Variants in AP4S1 observed in about 807,000 individuals in gnomAD.
AP4S1 encodes the protein adaptor related protein complex 4 subunit sigma 1.
Under a neutral mutation model 19.8 loss-of-function variants are expected in AP4S1, and 23 were observed. The observed-to-expected ratio is 1.16, with a 90% CI of 0.84 to 1.65. The LOEUF (loss-of-function observed/expected upper bound fraction) is 1.65, where lower values mean the gene tolerates loss of function less well. Among genes scored for constraint, AP4S1 ranks in the 40% most tolerant of loss-of-function variants. AP4S1 has a pLI of 0.00. For synonymous variants in AP4S1, 46 were observed against 54.1 expected, an observed-to-expected ratio of 0.85 and a Z score of 0.66; for missense variants, 166 against 172.8, an observed-to-expected ratio of 0.96 and a Z score of 0.22.
intron 1 of AP4S1, among the ~76,000 whole-genome samples, chr14:31,041,083 A>G (rs1016976288): frequency 2.7e-4 from 41 of 151,706 alleles, no homozygotes; most frequent in Non-Finnish European, 5.9e-4. Context: ...CTCAAAAAAA[A>G]AAAAAAAGTA....
chr14:31,026,467 G>A (rs1276265258), intron 1 of AP4S1: 4 of 390,398 alleles, frequency 1.0e-5, no homozygotes, highest in Non-Finnish European at 1.8e-5. Context: ...GCGGAGGGCC[G>A]TCACTAGCGC....
At chr14:31,084,652 T>C (rs1887832164) in intron 5 of AP4S1, 1 of 1,529,454 alleles carries the variant, frequency 6.5e-7, no homozygotes, top group Non-Finnish European at 8.9e-7. Context: ...CCCGCCCGGC[T>C]GAAGTGAGGC....
At chr14:31,051,181 A>G (rs1462824063) in intron 1 of AP4S1, among the ~76,000 whole-genome samples, 2 of 151,738 alleles carry the variant, frequency 1.3e-5, no homozygotes, top group East Asian at 1.9e-4. Flanking sequence ...CCTTGAGCCC[A>G]GGGAGTCAAG....
At chr14:31,026,176 G>T in intron 1 of AP4S1, 1 of 1,478,292 alleles carries the variant, frequency 6.8e-7, no homozygotes, top group Non-Finnish European at 8.9e-7. Context: ...CCTCCGGCAA[G>T]CTCGTCCATT....
chr14:31,058,535 G>C (rs1285149403), intron 1 of AP4S1, among the ~76,000 whole-genome samples: 198 of 15,952 alleles, frequency 0.012, 4 homozygotes, highest in Middle Eastern at 0.025. Flanking sequence ...GTATGTGTGT[G>C]TGTGTGTGTG....
chr14:31,081,579 A>G (rs1566544295), intron 5 of AP4S1, among the ~76,000 whole-genome samples: 3 of 152,154 alleles, frequency 2.0e-5, no homozygotes, highest in Non-Finnish European at 4.4e-5. Flanking sequence ...TCAAAAATCT[A>G]CCTACCACTT....
At position 31,074,324 on chromosome 14, in the gene AP4S1, CAAATAAATAAATAAAT is replaced by C. The variant is rs138770796; in HGVS notation, c.294+1379_294+1394del. ...TTAGTGACAGGGCGAGACTCCGTCT[CAAATAAATAAATAAAT>C]AAATAAATAAATAAATAAATAAATA... On this transcript the variant is annotated intron_variant, in intron 4 of 5. Coordinates refer to ENST00000542754, the MANE Select transcript of AP4S1 (RefSeq NM_001128126.3). Among the ~76,000 whole-genome samples the C allele has an allele frequency of 1.2e-4, 16 of 139,042 alleles. 1 individual carries two copies. The highest frequency in any genetic ancestry group is 2.4e-4 in the South Asian group (1 of 4,252). The allele number at this position is 139,042 out of a possible 152,430, so 91.2% of individuals were successfully genotyped here.
chr14:31,054,896 A>C (rs1886019804), intron 1 of AP4S1, among the ~76,000 whole-genome samples: 1 of 134,066 alleles, frequency 7.5e-6, no homozygotes, highest in African/African-American at 2.7e-5. Flanking sequence ...AAAAAAAAAA[A>C]CAGTGACAGG....
At chr14:31,058,028 C>T (rs909799009) in intron 1 of AP4S1, among the ~76,000 whole-genome samples, 5 of 151,748 alleles carry the variant, frequency 3.3e-5, no homozygotes, top group African/African-American at 1.2e-4. Context: ...TTCCTGATCT[C>T]AGCCTTACTC....
Position 31,080,427 on chromosome 14 carries a change from A to T in AP4S1, c.295-146A>T, listed in dbSNP as rs560389276. The T allele has an allele frequency of 6.1e-5, 42 of 692,228 alleles. 1 individual carries two copies. The highest frequency in any genetic ancestry group is 3.8e-4 in the East Asian group (14 of 36,754). The allele number at this position is 692,228 out of a possible 1,614,324, so 42.9% of individuals were successfully genotyped here. A position where few individuals can be genotyped will look rare whatever the true frequency, so the allele number is the denominator to read the frequency against. ...AGTCCCAAACTTAGGGCCTTGGCAG[A>T]GTCAGACTGCTGTGGCCACCAAGCC... On this transcript the variant is annotated intron_variant, in intron 4 of 5. Coordinates refer to ENST00000542754, the MANE Select transcript of AP4S1 (RefSeq NM_001128126.3).
In AP4S1 at chr14:31,093,247, TGA is replaced by T; in HGVS notation, c.*219_*220del. 1 of 410,522 alleles carries T rather than the reference TGA, an allele frequency of 2.4e-6. No individual in the cohort carries two copies. Among genetic ancestry groups the T allele is most frequent in the Non-Finnish European group, 4.2e-6 (1 of 238,528 alleles). The allele number at this position is 410,522 out of a possible 1,614,324, so 25.4% of individuals were successfully genotyped here. ...TACAAAGAAAAAAATTTCTTTAAAC[TGA>T]GAGAGAAGTTTTATTTTCTAATTGT... On this transcript the variant is annotated 3_prime_UTR_variant, in exon 6 of 6. Transcript: ENST00000542754.
intron 1 of AP4S1, among the ~76,000 whole-genome samples, chr14:31,060,550 G>C (rs1242592217): frequency 2.0e-5 from 3 of 152,192 alleles, no homozygotes; most frequent in Admixed American, 6.5e-5. Flanking sequence ...GCAAAGCCAA[G>C]ACTTGAGCCA....
upstream of AP4S1, chr14:31,025,458 G>A (rs1883776504): frequency 6.3e-6 from 1 of 157,952 alleles, no homozygotes; most frequent in African/African-American, 2.7e-5. Flanking sequence ...CGGAAAGGGG[G>A]GTGGTCCGGA....
intron 1 of AP4S1, among the ~76,000 whole-genome samples, chr14:31,060,023 ATATT>A (rs1054985247): frequency 1.1e-4 from 16 of 146,638 alleles, no homozygotes; most frequent in African/African-American, 3.7e-4. Context: ...ATATGTATAT[ATATT>A]TATGTATATA....
At chr14:31,070,913 G>A (rs1003383158) in intron 3 of AP4S1, among the ~76,000 whole-genome samples, 2 of 152,050 alleles carry the variant, frequency 1.3e-5, no homozygotes, top group Admixed American at 6.6e-5. Flanking sequence ...TTAGCTGGGC[G>A]TGGTGGCGGG....
intron 5 of AP4S1, chr14:31,084,782 A>C (rs774449729): frequency 1.9e-6 from 3 of 1,614,170 alleles, no homozygotes; most frequent in South Asian, 2.2e-5. Context: ...CCAATTGATG[A>C]ACTTCCCAAA....
chr14:31,048,872 A>G (rs879425412), intron 1 of AP4S1, among the ~76,000 whole-genome samples: 1 of 152,214 alleles, frequency 6.6e-6, no homozygotes, highest in Admixed American at 6.5e-5. Flanking sequence ...CCACCCAACC[A>G]GCCAGATCCA....
At position 31,085,295 on chromosome 14, in the gene AP4S1, C is replaced by T. The variant is rs139182728; in HGVS notation, c.306+4711C>T. Reference sequence around the variant, plus strand: ...TCTGCAAGCCTCTCCTCCACCTTCACCCCAAGACTAGGGGCAGGAATGATA... The same window carrying T: ...TCTGCAAGCCTCTCCTCCACCTTCATCCCAAGACTAGGGGCAGGAATGATA... On this transcript the variant is annotated intron_variant, in intron 5 of 5. Coordinates refer to ENST00000542754, the MANE Select transcript of AP4S1 (RefSeq NM_001128126.3). The T allele has an allele frequency of 2.4e-3, 2,425 of 1,004,948 alleles. 3 individuals are homozygous for T. Among genetic ancestry groups the T allele is most frequent in the South Asian group, 4.6e-3 (105 of 22,980 alleles). 62.3% of individuals were successfully genotyped at this position (1,004,948 alleles called of 1,614,324 possible).
chr14:31,038,420 T>G (rs1429157024), intron 1 of AP4S1, among the ~76,000 whole-genome samples: 1 of 152,230 alleles, frequency 6.6e-6, no homozygotes, highest in Admixed American at 6.5e-5. Flanking sequence ...CCTTTTGTGG[T>G]GTGCTCCAGG....
Sources: allele counts gnomAD v4.1 joint callset (sites outside exome capture counted in the v4.1 genomes callset), GRCh38; gene constraint gnomAD v4.1.1; transcripts MANE v1.5; gene names NCBI Gene and HGNC (gene_info 2026-07-23, HGNC 2026-07-21).